Variants in SMC2 observed in about 807,000 individuals in gnomAD.
The protein encoded by SMC2 is structural maintenance of chromosomes 2.
In SMC2, 41 loss-of-function variants were observed where a neutral mutation model predicts 142.6. That is an observed-to-expected ratio of 0.29 (90% CI 0.22 to 0.37). The LOEUF (loss-of-function observed/expected upper bound fraction) is 0.37, where lower values mean the gene tolerates loss of function less well. Among genes scored for constraint, SMC2 ranks in the 10% least tolerant of loss-of-function variants. The probability of loss-of-function intolerance (pLI) is 1.00; values close to 1 mark genes in which losing one functional copy is unlikely to be tolerated. For synonymous variants in SMC2, 463 were observed against 457.5 expected (o/e 1.01, Z -0.15); for missense variants, 1,265 against 1,373.7 (o/e 0.92, Z 1.25).
rs952704835 is a variant in SMC2, at chr9:104,139,965, C to G, written c.*650C>G. 2 of 151,758 alleles carry G rather than the reference C, an allele frequency of 1.3e-5. No individual in the cohort carries two copies. Among genetic ancestry groups the G allele is most frequent in the Admixed American group, 1.3e-4 (2 of 15,242 alleles). The allele number at this position is 151,758 out of a possible 1,614,324, so 9.4% of individuals were successfully genotyped here. On this transcript the variant is annotated 3_prime_UTR_variant, in exon 25 of 25. Coordinates refer to ENST00000374793, the MANE Select transcript of SMC2 (RefSeq NM_006444.3). ...GATACATGAATATCATGTTCCTATA[C>G]GCTTAATAATTGGTCTCTACGACTT...
At chr9:104,112,831 G>A (rs1335465157) in intron 10 of SMC2, among the ~76,000 whole-genome samples, 1 of 152,064 alleles carries the variant, frequency 6.6e-6, no homozygotes. Context: ...ATCAGACTCA[G>A]CATTTAAGTT....
At chr9:104,123,736 C>T (rs1587972442) in intron 17 of SMC2, among the ~76,000 whole-genome samples, 1 of 152,034 alleles carries the variant, frequency 6.6e-6, no homozygotes, top group Admixed American at 6.5e-5. Flanking sequence ...TGCAAATATC[C>T]TTTTACCATC....
chr9:104,094,165 A>G (rs1286911566), upstream of SMC2: 6 of 386,874 alleles, frequency 1.6e-5, no homozygotes, highest in Non-Finnish European at 9.1e-6. Context: ...CGGAGCTACC[A>G]TTATCGAGAC....
chr9:104,098,368 G>C, intron 3 of SMC2, 78 bp from the exon 4 acceptor site: 3 of 1,186,284 alleles, frequency 2.5e-6, no homozygotes, highest in Non-Finnish European at 3.4e-6. Flanking sequence ...ACAAATAAAC[G>C]TAAGCTAATA....
At chr9:104,136,102 T>G (rs1034508655) in intron 23 of SMC2, 2 of 313,482 alleles carry the variant, frequency 6.4e-6, no homozygotes, top group African/African-American at 4.3e-5. Flanking sequence ...GCCAATTAAT[T>G]AAAACCTCCT....
At chr9:104,095,069 A>G (rs1054179212) in intron 1 of SMC2, among the ~76,000 whole-genome samples, 4 of 152,210 alleles carry the variant, frequency 2.6e-5, no homozygotes, top group African/African-American at 9.6e-5. Flanking sequence ...GTAGAGTATG[A>G]TAAAAGTAGA....
intron 23 of SMC2, chr9:104,136,093 C>A: frequency 1.6e-5 from 5 of 308,726 alleles, no homozygotes; most frequent in South Asian, 2.9e-5. Flanking sequence ...CTACCAATAG[C>A]CAATTAATTA....
chr9:104,138,234 T>C, intron 24 of SMC2, 69 bp downstream of exon 24: 2 of 1,254,670 alleles, frequency 1.6e-6, no homozygotes, highest in Non-Finnish European at 2.2e-6. Context: ...ATTCTTTAGT[T>C]AGTAGTCAAT....
chr9:104,114,975 T>C (rs953731751), intron 13 of SMC2, 146 bp downstream of exon 13: 14 of 548,516 alleles, frequency 2.6e-5, no homozygotes, highest in Non-Finnish European at 3.8e-5. Flanking sequence ...TCATAACTTT[T>C]TGATAACTAT....
intron 17 of SMC2, among the ~76,000 whole-genome samples, chr9:104,123,470 C>T (rs1340952752): frequency 6.7e-6 from 1 of 150,238 alleles, no homozygotes; most frequent in African/African-American, 2.5e-5. Context: ...ATGAACATTT[C>T]TCCAAGTTCT....
At chr9:104,097,132 T>TTG (rs1376117828) in intron 3 of SMC2, among the ~76,000 whole-genome samples, 1 of 148,542 alleles carries the variant, frequency 6.7e-6, no homozygotes, top group Non-Finnish European at 1.5e-5. Context: ...TTTTTTTTTT[T>TTG]TTTTTTTTTT....
rs77635753 is a variant in SMC2 at position 104,100,360 on chromosome 9, G to A, written c.592-29G>A. The A allele has an allele frequency of 0.016, 24,183 of 1,511,488 alleles. 1,220 individuals carry two copies. In the African/African-American group the frequency reaches 0.18, roughly 11 times the overall value. 93.6% of individuals were successfully genotyped at this position (1,511,488 alleles called of 1,614,324 possible). ...TAAATTTTAATGATACTTTACATGC[G>A]AAAATACTGATTTTTCTTTATTTTC... is the stretch of plus-strand genomic sequence containing the variant. On this transcript the variant is annotated intron_variant, in intron 6 of 24. Transcript: ENST00000374793.
Position 104,095,560 on chromosome 9 carries a change from G to C in SMC2, c.168+8G>C. On this transcript the variant is annotated splice_region_variant and intron_variant, in intron 2 of 24. Transcript: ENST00000374793. ...ATCTCCAACCTGTCTCAGGTAAAGT[G>C]TAAACTTTCTGATTTATTTGAATTT... The C allele has an allele frequency of 6.2e-7, 1 of 1,606,856 alleles. No homozygotes were observed. Among genetic ancestry groups the C allele is most frequent in the Non-Finnish European group, 8.5e-7 (1 of 1,174,680 alleles).
rs1177347082 is a variant in SMC2, at chr9:104,137,882, CAA to C, written c.3270-135_3270-134del. 3.9e-5 allele frequency: 19 copies of C among 484,166 alleles called. No homozygotes were observed. In the East Asian group the frequency reaches 6.5e-4, roughly 16 times the overall value. The allele number at this position is 484,166 out of a possible 1,614,324, so 30.0% of individuals were successfully genotyped here. On this transcript the variant is annotated intron_variant, in intron 23 of 24. Coordinates refer to ENST00000374793, the MANE Select transcript of SMC2 (RefSeq NM_006444.3). ...AACAAAAGTGTTAAAGTTTGAAACT[CAA>C]GATTCTTTTTTTTATATGACTACCT...
chr9:104,112,893 A>G lies in SMC2; in HGVS notation c.1255-423A>G, dbSNP rs186677259. 2.0e-4 allele frequency among the ~76,000 whole-genome samples: 30 copies of G among 152,204 alleles called. No homozygotes were observed. In the South Asian group the frequency reaches 2.1e-3, roughly 11 times the overall value. On this transcript the variant is annotated intron_variant, in intron 10 of 24. Transcript: ENST00000374793. Reference sequence around the variant, plus strand: ...GTATAATCTTACGTCTTATTGCTCAATTCAGTTTCTTTACTGTTATTAGAT... The same window carrying G: ...GTATAATCTTACGTCTTATTGCTCAGTTCAGTTTCTTTACTGTTATTAGAT...
At chr9:104,098,836 G>A (rs1830779144) in intron 4 of SMC2, among the ~76,000 whole-genome samples, 1 of 95,808 alleles carries the variant, frequency 1.0e-5, no homozygotes, top group East Asian at 2.1e-4. Flanking sequence ...CATGTTAACT[G>A]TAAAAAAAAA....
chr9:104,097,957 T>C (rs561520871), intron 3 of SMC2, among the ~76,000 whole-genome samples: 2 of 152,332 alleles, frequency 1.3e-5, no homozygotes, highest in Non-Finnish European at 2.9e-5. Flanking sequence ...GATGACTTAA[T>C]GAAACCATAC....
chr9:104,118,387 A>G lies in SMC2; in HGVS notation c.1996+12A>G, dbSNP rs761039049. 3.1e-5 allele frequency: 50 copies of G among 1,603,026 alleles called. No homozygotes were observed. The highest frequency in any genetic ancestry group is 4.3e-5 in the Non-Finnish European group (50 of 1,171,546). ...GACATTGAGTGGAGGTAAGTTTTAT[A>G]TCCTTTTCTCCTCACAATTCTTTGT... On this transcript the variant is annotated intron_variant, in intron 15 of 24. Transcript: ENST00000374793.
rs533336742 is a variant in SMC2 at position 104,130,437 on chromosome 9, A to G, written c.2991+592A>G. Among the ~76,000 whole-genome samples, 18 of 152,282 alleles carry G rather than the reference A, an allele frequency of 1.2e-4. No individual in the cohort carries two copies. In the South Asian group the frequency reaches 3.7e-3, roughly 32 times the overall value. The stretch of plus-strand genomic sequence containing the variant: ...CTTAAGATAGCCATAAGAAATGGCT[A>G]TCTTAGTAATTTTATATTAATGCCC... On this transcript the variant is annotated intron_variant, in intron 21 of 24. Transcript: ENST00000374793.
Sources: gnomAD v4.1 joint callset for allele counts (sites outside exome capture counted in the v4.1 genomes callset) on GRCh38, gnomAD v4.1.1 for gene constraint, MANE v1.5 for transcripts, NCBI Gene and HGNC (gene_info 2026-07-23, HGNC 2026-07-21) for gene names.